SYT1: variants seen among roughly 807,000 people sequenced by gnomAD.
The protein encoded by SYT1 is synaptotagmin 1.
A neutral mutation model predicts 44.8 loss-of-function variants in SYT1; 8 were observed. The ratio of observed to expected loss-of-function variants is 0.18; its 90% CI spans 0.10 to 0.32. SYT1 has a LOEUF of 0.32. Ranked by LOEUF, SYT1 falls within the 10% of genes least tolerant of loss-of-function variation. The pLI, the probability that SYT1 is intolerant of heterozygous loss-of-function variation, is 1.00. For synonymous variants in SYT1, 154 were observed against 188.8 expected, an observed-to-expected ratio of 0.82 and a Z score of 1.51; for missense variants, 286 against 509.3, an observed-to-expected ratio of 0.56 and a Z score of 4.22.
chr12:78,994,438 A>G (rs1245152642), intron 2 of SYT1, among the ~76,000 whole-genome samples: 4 of 150,462 alleles, frequency 2.7e-5, no homozygotes, highest in Admixed American at 2.6e-4. Context: ...CATTTACTTG[A>G]GAAGTGTCAT....
intron 3 of SYT1, among the ~76,000 whole-genome samples, chr12:79,158,614 A>G (rs145186521): frequency 6.6e-6 from 1 of 151,998 alleles, no homozygotes; most frequent in African/African-American, 2.4e-5. Context: ...TAGATGATAA[A>G]AGGCCAGGCA....
intron 9 of SYT1, among the ~76,000 whole-genome samples, chr12:79,380,929 C>G (rs1306570166): frequency 6.6e-6 from 1 of 152,090 alleles, no homozygotes; most frequent in African/African-American, 2.4e-5. Flanking sequence ...AACCTGTGTC[C>G]TAGTGTGCAA....
intron 8 of SYT1, among the ~76,000 whole-genome samples, chr12:79,346,158 G>A (rs1592986188): frequency 6.6e-6 from 1 of 152,216 alleles, no homozygotes; most frequent in Middle Eastern, 3.4e-3. Context: ...CGATGTATGG[G>A]GCTACAGAGC....
chr12:79,416,632 T>A (rs372734307), intron 9 of SYT1, among the ~76,000 whole-genome samples: 27 of 152,298 alleles, frequency 1.8e-4, no homozygotes, highest in African/African-American at 6.5e-4. Context: ...AGGCTTCTCA[T>A]ACATAATTTG....
At chr12:78,962,098 G>T (rs1879535438) in intron 1 of SYT1, among the ~76,000 whole-genome samples, 1 of 151,980 alleles carries the variant, frequency 6.6e-6, no homozygotes, top group Admixed American at 6.6e-5. Flanking sequence ...GGTTTGGTTT[G>T]AGTTTAGGTT....
chr12:78,957,504 G>T (rs1474196300), intron 1 of SYT1, among the ~76,000 whole-genome samples: 1 of 152,132 alleles, frequency 6.6e-6, no homozygotes, highest in Non-Finnish European at 1.5e-5. Flanking sequence ...TCTTTGGGAT[G>T]AATTTTATTG....
At chr12:79,203,374 C>G (rs774291251) in intron 3 of SYT1, among the ~76,000 whole-genome samples, 4 of 152,050 alleles carry the variant, frequency 2.6e-5, no homozygotes, top group Non-Finnish European at 5.9e-5. Context: ...GTTCCAGGTA[C>G]CACAGGCAAA....
intron 2 of SYT1, among the ~76,000 whole-genome samples, chr12:79,006,330 G>A (rs1004324472): frequency 6.6e-6 from 1 of 152,088 alleles, no homozygotes; most frequent in Admixed American, 6.6e-5. Flanking sequence ...AGTGACTCCT[G>A]TATGGCTGAA....
At chr12:79,339,235 G>A (rs112125779) in intron 8 of SYT1, among the ~76,000 whole-genome samples, 3,480 of 152,258 alleles carry the variant, frequency 0.023, 53 homozygotes, top group Middle Eastern at 0.065. Context: ...ATCCTTGAAG[G>A]AATTGCCACA....
At chr12:79,017,542 G>A (rs1871886717) in intron 2 of SYT1, among the ~76,000 whole-genome samples, 1 of 152,100 alleles carries the variant, frequency 6.6e-6, no homozygotes, top group African/African-American at 2.4e-5. Flanking sequence ...TGAGGAGGGG[G>A]TTGTGAGCAA....
chr12:79,255,565 T>C (rs1286271902), intron 4 of SYT1, among the ~76,000 whole-genome samples: 1 of 152,174 alleles, frequency 6.6e-6, no homozygotes, highest in Non-Finnish European at 1.5e-5. Context: ...ATAATCCATC[T>C]CACACATCTG....
At chr12:79,021,648 A>T (rs183348510) in intron 2 of SYT1, among the ~76,000 whole-genome samples, 1 of 151,844 alleles carries the variant, frequency 6.6e-6, no homozygotes, top group Non-Finnish European at 1.5e-5. Context: ...CCCTCCAAAA[A>T]TTATTTTAAA....
chr12:79,438,207 G>T (rs1276758467), intron 9 of SYT1, among the ~76,000 whole-genome samples: 1 of 152,046 alleles, frequency 6.6e-6, no homozygotes, highest in Non-Finnish European at 1.5e-5. Flanking sequence ...GGAAACAGAG[G>T]CATATCTCAT....
At chr12:79,115,959 T>C (rs1395188385) in intron 3 of SYT1, among the ~76,000 whole-genome samples, 2 of 152,192 alleles carry the variant, frequency 1.3e-5, no homozygotes, top group East Asian at 3.8e-4. Context: ...AAAGCTATAA[T>C]GAGCAAACAG....
chr12:79,341,477 T>G (rs929177745), intron 8 of SYT1: 2 of 151,938 alleles, frequency 1.3e-5, no homozygotes, highest in African/African-American at 4.8e-5. Flanking sequence ...CTAGGAGTGG[T>G]GCACATCACT....
intron 8 of SYT1, among the ~76,000 whole-genome samples, chr12:79,304,301 A>T (rs1292108744): frequency 6.6e-6 from 1 of 152,188 alleles, no homozygotes; most frequent in Non-Finnish European, 1.5e-5. Flanking sequence ...AGTCCGTGTT[A>T]ATAGTCATTG....
At chr12:79,307,116 C>T (rs1006922365) in intron 8 of SYT1, among the ~76,000 whole-genome samples, 3 of 152,116 alleles carry the variant, frequency 2.0e-5, no homozygotes, top group African/African-American at 7.2e-5. Context: ...TTGAGCAGGC[C>T]AAATGTTTGT....
chr12:79,007,645 G>C (rs992481714), intron 2 of SYT1, among the ~76,000 whole-genome samples: 3 of 152,068 alleles, frequency 2.0e-5, no homozygotes, highest in Non-Finnish European at 4.4e-5. Flanking sequence ...GGGAATGGAG[G>C]ACAAAAGCTA....
intron 8 of SYT1, among the ~76,000 whole-genome samples, chr12:79,332,138 A>C (rs1441501484): frequency 6.6e-6 from 1 of 152,122 alleles, no homozygotes; most frequent in Admixed American, 6.6e-5. Flanking sequence ...CAGCAGGGTC[A>C]CTCCAGCTGT....
Sources: allele counts gnomAD v4.1 joint callset (sites outside exome capture counted in the v4.1 genomes callset), GRCh38; gene constraint gnomAD v4.1.1; transcripts MANE v1.5; gene names NCBI Gene and HGNC (gene_info 2026-07-23, HGNC 2026-07-21).